IPCEF1: variants seen among roughly 807,000 people sequenced by gnomAD.
IPCEF1 encodes interaction protein for cytohesin exchange factors 1.
A neutral mutation model predicts 50.9 loss-of-function variants in IPCEF1; 31 were observed. That is an observed-to-expected ratio of 0.61 (90% CI 0.46 to 0.82). The LOEUF is 0.82. IPCEF1 is among the 40% of genes least tolerant of loss of function. The pLI is 0.00. For synonymous variants in IPCEF1, 181 were observed against 192.0 expected (o/e 0.94, Z 0.47); for missense variants, 458 against 514.0 (o/e 0.89, Z 1.05).
In IPCEF1 at chr6:154,159,480, T is replaced by G. The variant is rs1798845461; in HGVS notation, c.*348A>C. ...GAATGTTTCCATGGGCAATTACTCC[T>G]GGTAAAATTTGATTCTTGTCCATAG... On this transcript the variant is annotated 3_prime_UTR_variant, in exon 12 of 12. Transcript: ENST00000367220. The G allele has an allele frequency of 3.9e-6, 1 of 253,456 alleles. No individual in the cohort carries two copies. Among genetic ancestry groups the G allele is most frequent in the Admixed American group, 5.8e-5 (1 of 17,308 alleles). The allele number at this position is 253,456 out of a possible 1,614,324, so 15.7% of individuals were successfully genotyped here.
At chr6:154,211,419 A>G (rs1035415831) in intron 9 of IPCEF1, among the ~76,000 whole-genome samples, 2 of 142,890 alleles carry the variant, frequency 1.4e-5, no homozygotes, top group Non-Finnish European at 3.1e-5. Context: ...AAAAACAAAG[A>G]AAAAAAAAAA....
intron 10 of IPCEF1, among the ~76,000 whole-genome samples, chr6:154,171,135 A>G (rs1467323919): frequency 6.6e-6 from 1 of 152,240 alleles, no homozygotes; most frequent in Non-Finnish European, 1.5e-5. Context: ...AGAGAATTGA[A>G]AACATATATT....
At chr6:154,219,797 A>C (rs967208673) in intron 7 of IPCEF1, among the ~76,000 whole-genome samples, 3 of 152,230 alleles carry the variant, frequency 2.0e-5, no homozygotes, top group Non-Finnish European at 2.9e-5. Flanking sequence ...TTGTCCAAGT[A>C]AATCAAAGCT....
chr6:154,303,092 C>CCT, intron 1 of IPCEF1, among the ~76,000 whole-genome samples: 1 of 121,390 alleles, frequency 8.2e-6, no homozygotes, highest in South Asian at 2.7e-4. Context: ...TATGATAGCA[C>CCT]TTTTTTTTTT....
chr6:154,172,086 C>T (rs62434770), intron 10 of IPCEF1, among the ~76,000 whole-genome samples: 7,476 of 152,174 alleles, frequency 0.049, 305 homozygotes, highest in South Asian at 0.19. Context: ...AACAACTTAC[C>T]AATTGAGCCA....
At chr6:154,220,955 T>G (rs529990532) in intron 7 of IPCEF1, among the ~76,000 whole-genome samples, 11 of 152,266 alleles carry the variant, frequency 7.2e-5, no homozygotes, top group Non-Finnish European at 1.3e-4. Context: ...CATAATACTT[T>G]CAAGCCTCTC....
At chr6:154,321,796 A>C (rs1218106322) in intron 1 of IPCEF1, among the ~76,000 whole-genome samples, 2 of 149,990 alleles carry the variant, frequency 1.3e-5, no homozygotes, top group African/African-American at 4.9e-5. Flanking sequence ...AAAAAAAAAA[A>C]AAAAAAAAAA....
At position 154,159,795 on chromosome 6, in the gene IPCEF1, T is replaced by C. The variant is rs758380803; in HGVS notation, c.*33A>G. 2 of 1,531,230 alleles carry C rather than the reference T, an allele frequency of 1.3e-6. No individual in the cohort carries two copies. The highest frequency in any genetic ancestry group is 1.8e-6 in the Non-Finnish European group (2 of 1,113,286). The allele number at this position is 1,531,230 out of a possible 1,614,324, so 94.9% of individuals were successfully genotyped here. ...CAACATCTTGAAGAGTTGCTTGTGA[T>C]AAAATATAAGAGGAGAAAACCCTGA... is the stretch of plus-strand genomic sequence containing the variant. On this transcript the variant is annotated 3_prime_UTR_variant, in exon 12 of 12. Transcript: ENST00000367220.
intron 7 of IPCEF1, among the ~76,000 whole-genome samples, chr6:154,219,753 A>G (rs1562549463): frequency 6.6e-6 from 1 of 152,236 alleles, no homozygotes; most frequent in Non-Finnish European, 1.5e-5. Flanking sequence ...AAAAAAAGCT[A>G]AAACTAGAAA....
At chr6:154,322,247 T>C (rs1047241261) in intron 1 of IPCEF1, among the ~76,000 whole-genome samples, 1 of 152,074 alleles carries the variant, frequency 6.6e-6, no homozygotes, top group Admixed American at 6.5e-5. Flanking sequence ...CTGGGCAAGG[T>C]GTCTCACACC....
At chr6:154,198,431 CTTTA>C (rs1423632585) in intron 10 of IPCEF1, among the ~76,000 whole-genome samples, 1 of 152,088 alleles carries the variant, frequency 6.6e-6, no homozygotes, top group Non-Finnish European at 1.5e-5. Context: ...GTTTGCCAGA[CTTTA>C]TTTACTCCAG....
chr6:154,351,360 T>A (rs189163609), intron 1 of IPCEF1, among the ~76,000 whole-genome samples: 1 of 152,332 alleles, frequency 6.6e-6, no homozygotes, highest in East Asian at 1.9e-4. Flanking sequence ...CCCAGTCCCC[T>A]TTTGTTCCCT....
chr6:154,182,086 A>T (rs1470903857), intron 10 of IPCEF1, among the ~76,000 whole-genome samples: 1 of 152,186 alleles, frequency 6.6e-6, no homozygotes, highest in Admixed American at 6.5e-5. Context: ...TCACAGGTAA[A>T]AGAAATTCCA....
intron 10 of IPCEF1, among the ~76,000 whole-genome samples, chr6:154,186,894 CT>C (rs987938715): frequency 1.2e-4 from 19 of 152,216 alleles, no homozygotes; most frequent in African/African-American, 3.9e-4. Flanking sequence ...GATGGCACCG[CT>C]CCTCCCTGCA....
At chr6:154,197,140 C>T (rs1583771924) in intron 10 of IPCEF1, among the ~76,000 whole-genome samples, 1 of 152,094 alleles carries the variant, frequency 6.6e-6, no homozygotes, top group Non-Finnish European at 1.5e-5. Context: ...AGATTTCTAT[C>T]CCTGATATAA....
intron 1 of IPCEF1, among the ~76,000 whole-genome samples, chr6:154,316,537 A>G (rs1274565679): frequency 6.6e-6 from 1 of 152,244 alleles, no homozygotes; most frequent in Non-Finnish European, 1.5e-5. Flanking sequence ...CCAATACTGC[A>G]TACTCTCACT....
intron 5 of IPCEF1, among the ~76,000 whole-genome samples, chr6:154,242,582 A>G (rs9479797): frequency 0.41 from 61,867 of 152,078 alleles, 12,915 homozygotes; most frequent in Middle Eastern, 0.49. Flanking sequence ...AAAGAGGACA[A>G]GCATGATAGT....
intron 2 of IPCEF1, among the ~76,000 whole-genome samples, chr6:154,280,722 G>A (rs1782185271): frequency 6.6e-6 from 1 of 152,172 alleles, no homozygotes; most frequent in African/African-American, 2.4e-5. Context: ...CCTTTGAGGA[G>A]GAATCAGGAA....
chr6:154,159,404 C>A lies in IPCEF1; in HGVS notation c.*424G>T. 5.5e-6 allele frequency: 1 copy of A among 182,448 alleles called. No individual in the cohort carries two copies. Among genetic ancestry groups the A allele is most frequent in the Non-Finnish European group, 1.1e-5 (1 of 89,134 alleles). 11.3% of individuals were successfully genotyped at this position (182,448 alleles called of 1,614,324 possible). A position where few individuals can be genotyped will look rare whatever the true frequency, so the allele number is the denominator to read the frequency against. On this transcript the variant is annotated 3_prime_UTR_variant, in exon 12 of 12. Transcript: ENST00000367220. Reference sequence around the variant, plus strand: ...CCTCCACTCAAACAGTGATTTGGGCCACACAGCTTCCCAGTCAAGTGGAAT... The same window carrying A: ...CCTCCACTCAAACAGTGATTTGGGCAACACAGCTTCCCAGTCAAGTGGAAT...
Sources: allele counts gnomAD v4.1 joint callset (sites outside exome capture counted in the v4.1 genomes callset), GRCh38; gene constraint gnomAD v4.1.1; transcripts MANE v1.5; gene names NCBI Gene and HGNC (gene_info 2026-07-23, HGNC 2026-07-21).